The following ZNF536 variants were observed in gnomAD, a reference collection of about 807,000 sequenced individuals.
The protein encoded by ZNF536 is zinc finger protein 536.
In ZNF536, 13 loss-of-function variants were observed where a neutral mutation model predicts 84.5. The ratio of observed to expected loss-of-function variants is 0.15; its 90% CI spans 0.10 to 0.24. The LOEUF is 0.24. Ranked by LOEUF, ZNF536 falls within the 10% of genes least tolerant of loss-of-function variation. The probability of loss-of-function intolerance (pLI) is 1.00; values close to 1 mark genes in which losing one functional copy is unlikely to be tolerated. For synonymous variants in ZNF536, 811 were observed against 742.5 expected (o/e 1.09, Z -1.50); for missense variants, 1,536 against 1,747.5 (o/e 0.88, Z 2.16).
intron 2 of ZNF536, among the ~76,000 whole-genome samples, chr19:30,327,222 A>ATTG (rs1208978661): frequency 2.0e-5 from 3 of 152,200 alleles, no homozygotes; most frequent in African/African-American, 7.2e-5. Context: ...AGGACACAGC[A>ATTG]TTGTTGAAAT....
chr19:30,671,047 C>G (rs548534104), intron 1 of ZNF536, among the ~76,000 whole-genome samples: 3 of 152,102 alleles, frequency 2.0e-5, no homozygotes, highest in Admixed American at 2.0e-4. Context: ...TTCATTTTCC[C>G]GTTCACTCAA....
chr19:30,528,542 G>C lies in ZNF536; in HGVS notation c.2171-6305G>C, dbSNP rs559887158. ...AATGGCTACCCCCAACATCTCTATG[G>C]CTTAATATAACCAGGATTTGTTTCT... On this transcript the variant is annotated intron_variant, in intron 2 of 4. Transcript: ENST00000355537. 8.1e-4 allele frequency among the ~76,000 whole-genome samples: 123 copies of C among 152,192 alleles called. No homozygotes were observed. In the Middle Eastern group the frequency reaches 0.014, roughly 17 times the overall value.
intron 2 of ZNF536, among the ~76,000 whole-genome samples, chr19:30,513,425 T>C (rs1216860323): frequency 1.3e-5 from 2 of 152,190 alleles, no homozygotes; most frequent in African/African-American, 2.4e-5. Context: ...GTATTTGGGA[T>C]GGACATATTG....
At chr19:30,599,523 C>T (rs2047607863) in intron 1 of ZNF536, among the ~76,000 whole-genome samples, 1 of 144,972 alleles carries the variant, frequency 6.9e-6, no homozygotes, top group African/African-American at 2.6e-5. Flanking sequence ...ACCTTCCTTC[C>T]CTCCCCCAGC....
At chr19:30,616,553 A>G (rs570300443) in intron 1 of ZNF536, among the ~76,000 whole-genome samples, 47 of 152,344 alleles carry the variant, frequency 3.1e-4, no homozygotes, top group African/African-American at 1.1e-3. Flanking sequence ...TACTGCTGCA[A>G]TCTCCTTAAA....
At chr19:30,412,338 T>C (rs2050528242) in intron 1 of ZNF536, among the ~76,000 whole-genome samples, 1 of 152,028 alleles carries the variant, frequency 6.6e-6, no homozygotes. Context: ...TTAAACATAA[T>C]GTGTGATTTG....
chr19:30,652,354 C>T (rs951275581), intron 1 of ZNF536, among the ~76,000 whole-genome samples: 3 of 152,110 alleles, frequency 2.0e-5, no homozygotes, highest in Non-Finnish European at 2.9e-5. Context: ...TACTGAGGCC[C>T]GCTTTATTGG....
chr19:30,315,909 T>TA lies in ZNF536; in HGVS notation c.-120+31776dup, dbSNP rs999726122. The stretch of plus-strand genomic sequence containing the variant: ...ATATTGTCCTGAGACTTACTTTTTT[T>TA]AAAAAAAACAGTATTGTTTTTAGAT... On this transcript the variant is annotated intron_variant, in intron 2 of 5. Transcript: ENST00000585628. Among the ~76,000 whole-genome samples, 115 of 152,066 alleles carry TA rather than the reference T, an allele frequency of 7.6e-4. 1 individual carries two copies. Among genetic ancestry groups the TA allele is most frequent in the African/African-American group, 2.4e-3 (101 of 41,478 alleles).
At chr19:30,480,225 T>C (rs2054017223) in intron 2 of ZNF536, among the ~76,000 whole-genome samples, 1 of 152,160 alleles carries the variant, frequency 6.6e-6, no homozygotes, top group South Asian at 2.1e-4. Flanking sequence ...ACAGTCTTTG[T>C]CATCCATCTC....
At chr19:30,287,957 A>T (rs917637012) in intron 2 of ZNF536, among the ~76,000 whole-genome samples, 12 of 152,238 alleles carry the variant, frequency 7.9e-5, no homozygotes, top group African/African-American at 2.9e-4. Flanking sequence ...CCTCCCAAAC[A>T]TTTTTTGAAA....
chr19:30,407,132 C>T (rs2050292093), intron 1 of ZNF536, among the ~76,000 whole-genome samples: 1 of 152,210 alleles, frequency 6.6e-6, no homozygotes, highest in Non-Finnish European at 1.5e-5. Flanking sequence ...GCCAGCCCTA[C>T]AACTCCACTT....
intron 1 of ZNF536, among the ~76,000 whole-genome samples, chr19:30,685,828 C>T (rs1037227443): frequency 3.9e-5 from 6 of 152,340 alleles, no homozygotes; most frequent in South Asian, 2.1e-4. Context: ...GGTCCTGCCA[C>T]GTTGCTGAGA....
intron 2 of ZNF536, among the ~76,000 whole-genome samples, chr19:30,312,063 GT>G (rs2046524211): frequency 6.6e-6 from 1 of 152,162 alleles, no homozygotes; most frequent in South Asian, 2.1e-4. Flanking sequence ...GCAAGACCCT[GT>G]TGCAAGAAAA....
chr19:30,558,587 G>A (rs563753488), downstream of ZNF536, among the ~76,000 whole-genome samples: 1 of 152,244 alleles, frequency 6.6e-6, no homozygotes, highest in Admixed American at 6.5e-5. Context: ...TGACCTTTTC[G>A]GACTGTACTT....
At chr19:30,692,229 A>T (rs2051442164) in intron 1 of ZNF536, among the ~76,000 whole-genome samples, 1 of 152,240 alleles carries the variant, frequency 6.6e-6, no homozygotes, top group South Asian at 2.1e-4. Flanking sequence ...TGCTGAAACC[A>T]AACGGGTGCC....
chr19:30,290,690 A>G (rs1447598907), intron 2 of ZNF536, among the ~76,000 whole-genome samples: 2 of 152,174 alleles, frequency 1.3e-5, no homozygotes, highest in Non-Finnish European at 2.9e-5. Flanking sequence ...AAAAAATTTT[A>G]CTTTAAGTTC....
chr19:30,626,784 T>TGATGGTGACCGCGC (rs1274733344), intron 1 of ZNF536, among the ~76,000 whole-genome samples: 5 of 152,202 alleles, frequency 3.3e-5, no homozygotes. Flanking sequence ...GGATGTGCGG[T>TGATGGTGACCGCGC]GATGGTGACC....
intron 1 of ZNF536, among the ~76,000 whole-genome samples, chr19:30,431,345 A>G (rs1354213695): frequency 6.6e-6 from 1 of 152,226 alleles, no homozygotes; most frequent in East Asian, 1.9e-4. Context: ...GGCCCAGCCC[A>G]GCCCTGGCCA....
rs536561235 is a variant in ZNF536, at chr19:30,365,847, A to T, written c.-3+13363A>T. On this transcript the variant is annotated intron_variant, in intron 3 of 5. Coordinates refer to the ZNF536 transcript ENST00000585628. ...ATATTTAGCTTTGTCCTGGATAATAATAGCTACGAAATCTCTGGTTGAATT... is the reference window on the plus strand; with the variant it reads ...ATATTTAGCTTTGTCCTGGATAATATTAGCTACGAAATCTCTGGTTGAATT... Among the ~76,000 whole-genome samples, 29 of 152,348 alleles carry T rather than the reference A, an allele frequency of 1.9e-4. No homozygotes were observed. In the East Asian group the frequency reaches 5.6e-3, roughly 29 times the overall value.
Sources: gnomAD v4.1 joint callset for allele counts (sites outside exome capture counted in the v4.1 genomes callset) on GRCh38, gnomAD v4.1.1 for gene constraint, MANE v1.5 for transcripts, NCBI Gene and HGNC (gene_info 2026-07-23, HGNC 2026-07-21) for gene names.